The following TGM2 variants were observed in gnomAD, a reference collection of about 807,000 sequenced individuals.
TGM2 encodes transglutaminase 2.
In TGM2, 53 loss-of-function variants were observed where a neutral mutation model predicts 75.6. The observed-to-expected ratio is 0.70, with a 90% CI of 0.56 to 0.88. The LOEUF is 0.88. Ranked by LOEUF, TGM2 falls within the 40% of genes least tolerant of loss-of-function variation. The pLI is 0.00. For synonymous variants in TGM2, 374 were observed against 381.1 expected, an observed-to-expected ratio of 0.98 and a Z score of 0.22; for missense variants, 842 against 928.5, an observed-to-expected ratio of 0.91 and a Z score of 1.21.
At chr20:38,145,746 A>C (rs181860177) in intron 6 of TGM2, 2 of 150,286 alleles carry the variant, frequency 1.3e-5, no homozygotes, top group East Asian at 3.9e-4. Flanking sequence ...TTGACTTCAG[A>C]ATTTGTGCTC....
chr20:38,156,667 GCC>G (rs1303283883), intron 2 of TGM2, among the ~76,000 whole-genome samples: 1 of 152,064 alleles, frequency 6.6e-6, no homozygotes, highest in Non-Finnish European at 1.5e-5. Flanking sequence ...GTCTCCCCAG[GCC>G]CCCCATCTGC....
At chr20:38,141,996 C>G (rs1438609211) in intron 7 of TGM2, 68 bp downstream of exon 7, 3 of 1,595,934 alleles carry the variant, frequency 1.9e-6, no homozygotes, top group Non-Finnish European at 2.6e-6. Flanking sequence ...TCCAAGAAGC[C>G]CTCCAAGGTT....
chr20:38,136,387 C>T (rs150386088), intron 10 of TGM2, among the ~76,000 whole-genome samples: 31 of 152,260 alleles, frequency 2.0e-4, no homozygotes, highest in African/African-American at 6.3e-4. Flanking sequence ...GGAAAACAGA[C>T]GGGGAAACAA....
Position 38,132,365 on chromosome 20 carries a change from A to G in TGM2, c.1751T>C (p.Leu584Pro), listed in dbSNP as rs1464864039. Residue 584 changes from leucine to proline, a missense_variant, in exon 11 of 13, where the codon CTG becomes CCG. Leu to Pro is a moderately conservative substitution (Grantham distance 98). Coordinates refer to ENST00000361475, the MANE Select transcript of TGM2 (RefSeq NM_004613.4). Reference sequence around the variant, plus strand: ...CCGGATCTTGATTTCTGGATTCTCCAGGTAGAGGTCCCTCTCAGCCAGCAG... The same window carrying G: ...CCGGATCTTGATTTCTGGATTCTCCGGGTAGAGGTCCCTCTCAGCCAGCAG... Reference protein sequence around the residue: ...SYLLAERDLYLENPEIKIRIL... With the variant: ...SYLLAERDLYPENPEIKIRIL... 6.2e-7 allele frequency: 1 copy of G among 1,614,012 alleles called. No homozygotes were observed. Among genetic ancestry groups the G allele is most frequent in the African/African-American group, 1.3e-5 (1 of 74,908 alleles).
rs371862578 is a variant in TGM2, at chr20:38,131,354, CCCT to C, written c.1777-128_1777-126del. The C allele has an allele frequency of 5.1e-3, 6,671 of 1,318,930 alleles. 77 individuals are homozygous for C. The African/African-American group carries it at 0.07, about 14-fold the overall frequency. The allele number at this position is 1,318,930 out of a possible 1,614,324, so 81.7% of individuals were successfully genotyped here. ...TACCCAGGTCTGCCACGATCACCCC[CCCT>C]CCCCCCACCTCTGTGCCTCAGTTTC... On this transcript the variant is annotated intron_variant, in intron 11 of 12. Transcript: ENST00000361475.
upstream of TGM2, among the ~76,000 whole-genome samples, chr20:38,166,926 G>T (rs192337956): frequency 2.0e-5 from 3 of 152,172 alleles, no homozygotes; most frequent in Admixed American, 2.0e-4. Flanking sequence ...GAGGGAAGTC[G>T]GTCAAGAGGC....
chr20:38,133,383 T>C (rs929367302), intron 10 of TGM2: 1 of 160,220 alleles, frequency 6.2e-6, no homozygotes, highest in Non-Finnish European at 1.4e-5. Context: ...CCAGATCTTA[T>C]CACCTGCTGG....
rs780376814 is a variant in TGM2, at chr20:38,141,328, G to A, written c.1053C>T (p.Tyr351=). ...TTGGGTCCAGGGCCTGCCAGCCCTCGTACCCCGGCTGCAGGTCCGGCCTGG... is the reference window on the plus strand; with the variant it reads ...TTGGGTCCAGGGCCTGCCAGCCCTCATACCCCGGCTGCAGGTCCGGCCTGG... The part of the protein sequence containing the change: ...WMTRPDLQPG[Y]EGWQALDPTP... Residue 351 remains tyrosine, a synonymous_variant, in exon 8 of 13, where the codon TAC becomes TAT. Transcript: ENST00000361475. 9.4e-6 allele frequency: 15 copies of A among 1,591,196 alleles called. No homozygotes were observed. Among genetic ancestry groups the A allele is most frequent in the East Asian group, 2.3e-5 (1 of 43,910 alleles).
intron 11 of TGM2, 129 bp from the exon 12 acceptor site, chr20:38,131,358 C>G (rs538788450): frequency 8.1e-7 from 1 of 1,227,446 alleles, no homozygotes; most frequent in South Asian, 1.4e-5. Flanking sequence ...CACCCCCCCT[C>G]CCCCCACCTC....
Position 38,139,674 on chromosome 20 carries a change from G to C in TGM2, c.1100-20C>G. 6.2e-7 allele frequency: 1 copy of C among 1,613,958 alleles called. No individual in the cohort carries two copies. The highest frequency in any genetic ancestry group is 2.2e-5 in the East Asian group (1 of 44,888). ...ACGTCCCTGGCAGAGGTAGAAAGGG[G>C]AAGGGATGGGCCTGGGTGAAGGTTG... On this transcript the variant is annotated intron_variant, in intron 8 of 12. Transcript: ENST00000361475.
chr20:38,148,380 C>T (rs894322595), intron 4 of TGM2, among the ~76,000 whole-genome samples: 4 of 152,176 alleles, frequency 2.6e-5, no homozygotes, highest in African/African-American at 7.2e-5. Flanking sequence ...ATGGAGTGGG[C>T]AGCCCGGTGT....
upstream of TGM2, chr20:38,166,526 G>C (rs957046206): frequency 6.6e-6 from 1 of 152,228 alleles, no homozygotes; most frequent in Admixed American, 6.5e-5. Context: ...GAGCGGGAAG[G>C]GTTCCCGGAG....
rs2074792416 is a variant in TGM2, at chr20:38,128,776, G to C, written c.*1443C>G. On this transcript the variant is annotated 3_prime_UTR_variant, in exon 13 of 13. Transcript: ENST00000361475. Reference sequence around the variant, plus strand: ...AGGCCCAGTCATGTAGAAAGAGCAGGAGATAAAGTCAAAGCTGACAACTCA... The same window carrying C: ...AGGCCCAGTCATGTAGAAAGAGCAGCAGATAAAGTCAAAGCTGACAACTCA... The C allele has an allele frequency of 6.6e-6, 1 of 152,278 alleles. No homozygotes were observed. Among genetic ancestry groups the C allele is most frequent in the African/African-American group, 2.4e-5 (1 of 41,446 alleles). The allele number at this position is 152,278 out of a possible 1,614,324, so 9.4% of individuals were successfully genotyped here.
chr20:38,167,734 A>G (rs934230594), upstream of TGM2, among the ~76,000 whole-genome samples: 3 of 152,150 alleles, frequency 2.0e-5, no homozygotes, highest in Admixed American at 2.0e-4. Context: ...GAAATCATCA[A>G]TTCTATCAGC....
Position 38,146,936 on chromosome 20 carries a change from G to A in TGM2, c.682-42C>T. 3.1e-6 allele frequency: 5 copies of A among 1,597,626 alleles called. No homozygotes were observed. In the East Asian group the frequency reaches 9.0e-5, roughly 29 times the overall value. ...AGCACGGGGACTGAGCCTGGGATGG[G>A]GTGTCGGCTGTGCCGCCTGGGTGAG... On this transcript the variant is annotated intron_variant, in intron 5 of 12. Coordinates refer to ENST00000361475, the MANE Select transcript of TGM2 (RefSeq NM_004613.4).
intron 4 of TGM2, among the ~76,000 whole-genome samples, chr20:38,149,876 T>A (rs1221259103): frequency 1.3e-5 from 2 of 152,118 alleles, no homozygotes; most frequent in African/African-American, 4.8e-5. Context: ...CAGTTAGTTT[T>A]GCAATTATCA....
At chr20:38,163,476 A>G (rs1033573266) in intron 1 of TGM2, among the ~76,000 whole-genome samples, 2 of 152,226 alleles carry the variant, frequency 1.3e-5, no homozygotes, top group African/African-American at 2.4e-5. Flanking sequence ...CATGATTCCC[A>G]TTTTGTAGAC....
intron 4 of TGM2, among the ~76,000 whole-genome samples, chr20:38,149,291 C>T (rs535164337): frequency 6.6e-6 from 1 of 152,146 alleles, no homozygotes; most frequent in Non-Finnish European, 1.5e-5. Context: ...TTATTCCTTC[C>T]TTCCTCTAGG....
chr20:38,139,101 T>C (rs2074936652), intron 9 of TGM2, among the ~76,000 whole-genome samples: 1 of 152,226 alleles, frequency 6.6e-6, no homozygotes, highest in Admixed American at 6.5e-5. Context: ...AGAAATTAGA[T>C]ACCATATTGA....
Sources: allele counts gnomAD v4.1 joint callset (sites outside exome capture counted in the v4.1 genomes callset), GRCh38; gene constraint gnomAD v4.1.1; transcripts MANE v1.5; gene names NCBI Gene and HGNC (gene_info 2026-07-23, HGNC 2026-07-21).